Variants in RBM20 observed in about 807,000 individuals in gnomAD.
The protein encoded by RBM20 is RNA-binding protein 20.
Under a neutral mutation model 110.1 loss-of-function variants are expected in RBM20, and 51 were observed. The ratio of observed to expected loss-of-function variants is 0.46; its 90% CI spans 0.37 to 0.59. The LOEUF is 0.59. Among genes scored for constraint, RBM20 ranks in the 20% least tolerant of loss-of-function variants. The pLI is 0.00. For missense variants in RBM20, 1,512 were observed against 1,574.9 expected (o/e 0.96, Z 0.68); for synonymous variants, 589 against 618.2 (o/e 0.95, Z 0.70).
At chr10:110,746,565 G>A (rs1843783496) in intron 1 of RBM20, among the ~76,000 whole-genome samples, 1 of 152,138 alleles carries the variant, frequency 6.6e-6, no homozygotes, top group South Asian at 2.1e-4. Flanking sequence ...TTGCTCAGTC[G>A]ACCCCGAGTA....
intron 1 of RBM20, among the ~76,000 whole-genome samples, chr10:110,752,003 A>C: frequency 6.6e-6 from 1 of 152,064 alleles, no homozygotes; most frequent in East Asian, 1.9e-4. Context: ...CCCCCACCAG[A>C]CTGGTACTTT....
At position 110,836,029 on chromosome 10, in the gene RBM20, C is replaced by A; in HGVS notation, c.*51C>A. Reference sequence around the variant, plus strand: ...GCTGCTGCAAGGTTGGAAAGGAGAGCTTGCTGAAGTGGGGCCTTCCTGATT... The same window carrying A: ...GCTGCTGCAAGGTTGGAAAGGAGAGATTGCTGAAGTGGGGCCTTCCTGATT... On this transcript the variant is annotated 3_prime_UTR_variant, in exon 14 of 14. Coordinates refer to ENST00000369519, the MANE Select transcript of RBM20 (RefSeq NM_001134363.3). 2.6e-6 allele frequency: 2 copies of A among 765,244 alleles called. No individual in the cohort carries two copies. The highest frequency in any genetic ancestry group is 2.5e-5 in the Admixed American group (1 of 40,514). 47.4% of individuals were successfully genotyped at this position (765,244 alleles called of 1,614,324 possible). A position where few individuals can be genotyped will look rare whatever the true frequency, so the allele number is the denominator to read the frequency against.
chr10:110,831,263 C>T, intron 13 of RBM20, 81 bp downstream of exon 13: 1 of 1,471,412 alleles, frequency 6.8e-7, no homozygotes, highest in Non-Finnish European at 9.2e-7. Flanking sequence ...CGTCCTTGGC[C>T]TTGCTTGCCT....
At chr10:110,650,869 G>A (rs1027440932) in intron 1 of RBM20, among the ~76,000 whole-genome samples, 1 of 152,122 alleles carries the variant, frequency 6.6e-6, no homozygotes, top group Non-Finnish European at 1.5e-5. Context: ...AGATGCATTG[G>A]TTTCACTAAA....
At chr10:110,829,701 G>A (rs1381820032) in intron 12 of RBM20, among the ~76,000 whole-genome samples, 2 of 152,198 alleles carry the variant, frequency 1.3e-5, no homozygotes, top group Non-Finnish European at 2.9e-5. Flanking sequence ...TGGGAGGTGG[G>A]AGGAGGAAAG....
At chr10:110,785,626 C>G (rs1015874998) in intron 5 of RBM20, among the ~76,000 whole-genome samples, 12 of 152,052 alleles carry the variant, frequency 7.9e-5, no homozygotes, top group African/African-American at 2.9e-4. Flanking sequence ...GTATCACCTG[C>G]TATATCTGGG....
intron 1 of RBM20, among the ~76,000 whole-genome samples, chr10:110,750,983 T>C (rs1342794087): frequency 8.2e-6 from 1 of 122,222 alleles, no homozygotes; most frequent in African/African-American, 3.3e-5. Flanking sequence ...GCCTGAGTTT[T>C]CTCATCTGCG....
intron 1 of RBM20, among the ~76,000 whole-genome samples, chr10:110,700,307 T>C (rs921504053): frequency 6.6e-6 from 1 of 152,154 alleles, no homozygotes; most frequent in Admixed American, 6.5e-5. Flanking sequence ...ACTTGGGCGC[T>C]TCAGATTTAG....
intron 7 of RBM20, among the ~76,000 whole-genome samples, chr10:110,801,240 A>G (rs1844618824): frequency 6.6e-6 from 1 of 152,092 alleles, no homozygotes. Flanking sequence ...CAGCCTGGCC[A>G]ACATGGTGAA....
At chr10:110,744,624 C>G (rs1311752128) in intron 1 of RBM20, among the ~76,000 whole-genome samples, 3 of 152,160 alleles carry the variant, frequency 2.0e-5, no homozygotes, top group African/African-American at 4.8e-5. Flanking sequence ...TGAACAAGCC[C>G]TCCAGGTGTG....
intron 1 of RBM20, among the ~76,000 whole-genome samples, chr10:110,714,951 A>G (rs1862993723): frequency 6.6e-6 from 1 of 152,208 alleles, no homozygotes; most frequent in Non-Finnish European, 1.5e-5. Flanking sequence ...AAAGGTTTTT[A>G]AAATGTAATT....
intron 1 of RBM20, among the ~76,000 whole-genome samples, chr10:110,703,725 C>G (rs1417124923): frequency 1.3e-5 from 2 of 152,208 alleles, no homozygotes; most frequent in African/African-American, 4.8e-5. Flanking sequence ...TTGCCTTTTA[C>G]AACCACATCC....
At chr10:110,793,374 C>A (rs1354797771) in intron 5 of RBM20, among the ~76,000 whole-genome samples, 1 of 152,254 alleles carries the variant, frequency 6.6e-6, no homozygotes, top group Non-Finnish European at 1.5e-5. Context: ...TAATGAGTAA[C>A]TAACTGGTGA....
intron 5 of RBM20, among the ~76,000 whole-genome samples, chr10:110,791,891 A>G (rs1457586077): frequency 1.5e-5 from 2 of 129,560 alleles, no homozygotes; most frequent in Non-Finnish European, 3.6e-5. Flanking sequence ...GAAAGTTTTC[A>G]GTGCACCTGT....
rs771630886 is a variant in RBM20, at chr10:110,781,729, G to T, written c.1120G>T (p.Gly374Cys). ...GGGTCGGCTTAACAACAGCAAACAG[G>T]GTTTTATCGGTGCTGGGCGGAGGGC... is the stretch of plus-strand genomic sequence containing the variant. ...FGGRLNNSKQ[G>C]FIGAGRRAKE... The change falls in exon 2 of 14, where the codon GGT becomes TGT. Residue 374 changes from glycine (G) to cysteine (C), a missense_variant. Gly to Cys is a radical substitution (Grantham distance 159). Transcript: ENST00000369519. 2.6e-6 allele frequency: 4 copies of T among 1,551,844 alleles called. No homozygotes were observed. The African/African-American group carries it at 5.5e-5, about 21-fold the overall frequency.
chr10:110,780,743 G>T, intron 1 of RBM20, 58 bp from the exon 2 acceptor site: 1 of 1,458,254 alleles, frequency 6.9e-7, no homozygotes. Context: ...ACAAAGAACA[G>T]CCCCTTGCCC....
At chr10:110,796,032 C>T (rs900367001) in intron 5 of RBM20, among the ~76,000 whole-genome samples, 1 of 152,126 alleles carries the variant, frequency 6.6e-6, no homozygotes, top group African/African-American at 2.4e-5. Flanking sequence ...AAAAATATTT[C>T]GAAAACCACT....
At chr10:110,800,522 T>A (rs1438723288) in intron 7 of RBM20, among the ~76,000 whole-genome samples, 2 of 152,226 alleles carry the variant, frequency 1.3e-5, no homozygotes, top group African/African-American at 4.8e-5. Context: ...GAAAAATGGC[T>A]GATTATATAT....
intron 1 of RBM20, among the ~76,000 whole-genome samples, chr10:110,685,565 G>A (rs1862491116): frequency 6.6e-6 from 1 of 152,192 alleles, no homozygotes; most frequent in Non-Finnish European, 1.5e-5. Flanking sequence ...TCCATACTGA[G>A]AGGGGAAGAA....
Sources: gnomAD v4.1 joint callset for allele counts (sites outside exome capture counted in the v4.1 genomes callset) on GRCh38, gnomAD v4.1.1 for gene constraint, MANE v1.5 for transcripts, NCBI Gene and HGNC (gene_info 2026-07-23, HGNC 2026-07-21) for gene names.